Variants in SERINC2 observed in about 807,000 individuals in gnomAD.
The protein encoded by SERINC2 is serine incorporator 2.
Under a neutral mutation model 54.2 loss-of-function variants are expected in SERINC2, and 56 were observed. The observed-to-expected ratio is 1.03, with a 90% confidence interval of 0.83 to 1.29. The LOEUF (loss-of-function observed/expected upper bound fraction) is 1.29. Ranked by LOEUF, SERINC2 falls within the 50% of genes most tolerant of loss-of-function variation. SERINC2 has a pLI of 0.00. For missense variants in SERINC2, 614 were observed against 607.4 expected (o/e 1.01, Z -0.12); for synonymous variants, 272 against 253.1 (o/e 1.07, Z -0.71).
intron 1 of SERINC2, among the ~76,000 whole-genome samples, chr1:31,416,413 G>A (rs189317461): frequency 5.8e-4 from 89 of 152,328 alleles, no homozygotes; most frequent in Admixed American, 2.5e-3. Context: ...TGGAGGGGAG[G>A]AGAGACTTGC....
At chr1:31,410,424 C>T (rs1229877492), upstream of SERINC2, 56 of 1,550,190 alleles carry the variant, frequency 3.6e-5, no homozygotes, top group Non-Finnish European at 4.5e-5. Flanking sequence ...GTCACCCGGA[C>T]CCAGCCACAC....
At chr1:31,420,943 A>G (rs1640889490) in intron 1 of SERINC2, among the ~76,000 whole-genome samples, 1 of 152,082 alleles carries the variant, frequency 6.6e-6, no homozygotes. Flanking sequence ...CGTCTGTAAA[A>G]TGGGACTAAT....
At chr1:31,425,152 G>A (rs1042366003) in intron 3 of SERINC2, among the ~76,000 whole-genome samples, 178 bp from the exon 4 acceptor site, 4 of 151,884 alleles carry the variant, frequency 2.6e-5, no homozygotes, top group African/African-American at 7.3e-5. Context: ...CTGCCCCTTA[G>A]GGTTTTTTCC....
chr1:31,433,626 TTGAG>T (rs1641387073), intron 9 of SERINC2, among the ~76,000 whole-genome samples: 1 of 152,038 alleles, frequency 6.6e-6, no homozygotes. Context: ...AAAGTTAAAA[TTGAG>T]AGTAGGAGGT....
chr1:31,426,048 C>A, intron 5 of SERINC2, 135 bp downstream of exon 5: 3 of 929,550 alleles, frequency 3.2e-6, no homozygotes, highest in Non-Finnish European at 4.8e-6. Flanking sequence ...GGTCAAGATT[C>A]CAATTGTCCC....
At chr1:31,411,721 G>A (rs782811319), upstream of SERINC2, among the ~76,000 whole-genome samples, 1 of 152,138 alleles carries the variant, frequency 6.6e-6, no homozygotes, top group Non-Finnish European at 1.5e-5. Context: ...GCATCTGCCA[G>A]GTGCAGTGCC....
chr1:31,410,385 A>G (rs1383588223), upstream of SERINC2: 2 of 1,547,416 alleles, frequency 1.3e-6, no homozygotes, highest in Admixed American at 2.0e-5. Flanking sequence ...TATTTTACAG[A>G]TGAGAAGCAT....
chr1:31,423,132 T>C (rs906100587), intron 1 of SERINC2, among the ~76,000 whole-genome samples: 6 of 152,162 alleles, frequency 3.9e-5, no homozygotes, highest in African/African-American at 1.4e-4. Flanking sequence ...ACGCAAAAAT[T>C]CCTGCCCCGC....
chr1:31,414,324 C>A, intron 1 of SERINC2: 3 of 1,314,444 alleles, frequency 2.3e-6, no homozygotes, highest in Middle Eastern at 2.9e-4. Flanking sequence ...CAGGCAGCCC[C>A]CTCCCCCTCT....
Position 31,424,887 on chromosome 1 carries a change from C to T in SERINC2, c.392+14C>T, listed in dbSNP as rs1183111888. On this transcript the variant is annotated intron_variant, in intron 3 of 9. Transcript: ENST00000373709. ...CATCCAGAATGGGTGAGAGAGGGGT[C>T]CCTGCCTGCACCCTGGGACCTTCCC... is the stretch of plus-strand genomic sequence containing the variant. 6.2e-7 allele frequency: 1 copy of T among 1,603,244 alleles called. No homozygotes were observed. Among genetic ancestry groups the T allele is most frequent in the East Asian group, 2.2e-5 (1 of 44,644 alleles).
chr1:31,434,590 T>G lies in SERINC2; in HGVS notation c.*391T>G. 4.4e-6 allele frequency: 1 copy of G among 227,746 alleles called. No homozygotes were observed. The highest frequency in any genetic ancestry group is 8.7e-6 in the Non-Finnish European group (1 of 114,928). 14.1% of individuals were successfully genotyped at this position (227,746 alleles called of 1,614,324 possible). ...TGAAGCCCTGGTGTTCCTGGTCACG[T>G]CCCCCAGGGGACCCTGCCCACTTCC... On this transcript the variant is annotated 3_prime_UTR_variant, in exon 10 of 10. Coordinates refer to ENST00000373709, the MANE Select transcript of SERINC2 (RefSeq NM_178865.5).
At chr1:31,420,998 C>G (rs1453965988) in intron 1 of SERINC2, among the ~76,000 whole-genome samples, 2 of 152,090 alleles carry the variant, frequency 1.3e-5, no homozygotes, top group African/African-American at 4.8e-5. Flanking sequence ...TAGCAGGGGT[C>G]CCCAACCCCT....
intron 1 of SERINC2, among the ~76,000 whole-genome samples, chr1:31,421,436 C>T (rs564264359): frequency 3.9e-5 from 6 of 152,332 alleles, no homozygotes; most frequent in African/African-American, 1.2e-4. Flanking sequence ...GGGGTGGCAG[C>T]TGCAAGATGT....
At chr1:31,409,880 T>G (rs2148507174), upstream of SERINC2, 1 of 1,535,436 alleles carries the variant, frequency 6.5e-7, no homozygotes, top group Non-Finnish European at 8.8e-7. Context: ...GAGAATGGAT[T>G]GGGGGCACTG....
intron 9 of SERINC2, 67 bp downstream of exon 9, chr1:31,433,252 C>T (rs989871381): frequency 3.6e-5 from 49 of 1,360,774 alleles, no homozygotes; most frequent in African/African-American, 5.7e-5. Context: ...ATCTCTCCTG[C>T]GGCCCTTCAC....
intron 6 of SERINC2, 120 bp downstream of exon 6, chr1:31,426,943 G>A: frequency 1.1e-6 from 1 of 894,908 alleles, no homozygotes; most frequent in Non-Finnish European, 1.7e-6. Context: ...GAGTGTGTGG[G>A]CTCCCAGGTC....
intron 8 of SERINC2, among the ~76,000 whole-genome samples, chr1:31,429,927 A>G (rs1570059159): frequency 6.6e-6 from 1 of 151,714 alleles, no homozygotes. Flanking sequence ...GAGGATGACA[A>G]CCTCCACTGT....
rs1557494290 is a variant in SERINC2 at position 31,425,408 on chromosome 1, CAGT to C, written c.472+2_472+4del. ...ACATTCCTGACGGCTCCTTCACCAA[CAGT>C]AGGCGGACTTGGCAGGAGGCATGGG... On this transcript the variant is annotated splice_donor_variant and coding_sequence_variant, in exon 4 of 10. Coordinates refer to ENST00000373709, the MANE Select transcript of SERINC2 (RefSeq NM_178865.5). LOFTEE classifies it high-confidence loss of function. The C allele has an allele frequency of 6.2e-7, 1 of 1,606,004 alleles. No individual in the cohort carries two copies.
chr1:31,429,348 C>T, intron 7 of SERINC2, 49 bp from the exon 8 acceptor site: 1 of 1,566,876 alleles, frequency 6.4e-7, no homozygotes, highest in Non-Finnish European at 8.7e-7. Flanking sequence ...CACTTGGCTA[C>T]CTAGGCCTGG....
Sources: gnomAD v4.1 joint callset for allele counts (sites outside exome capture counted in the v4.1 genomes callset) on GRCh38, gnomAD v4.1.1 for gene constraint, MANE v1.5 for transcripts, NCBI Gene and HGNC (gene_info 2026-07-23, HGNC 2026-07-21) for gene names.